Variants in MDM1 observed in about 807,000 individuals in gnomAD.
MDM1 encodes the protein stabilizer of axonemal microtubules 6, also known as Mdm1 nuclear protein.
In MDM1, 61 loss-of-function variants were observed where a neutral mutation model predicts 89.1. The observed-to-expected ratio is 0.68, with a 90% CI of 0.56 to 0.85. The LOEUF is 0.85. Among genes scored for constraint, MDM1 ranks in the 40% least tolerant of loss-of-function variants. The pLI is 0.00. For synonymous variants in MDM1, 290 were observed against 294.1 expected (o/e 0.99, Z 0.14); for missense variants, 820 against 846.5 (o/e 0.97, Z 0.39).
At chr12:68,328,108 C>T (rs995655832) in intron 2 of MDM1, among the ~76,000 whole-genome samples, 5 of 152,258 alleles carry the variant, frequency 3.3e-5, no homozygotes, top group African/African-American at 1.2e-4. Context: ...AGTGCGTCCG[C>T]CCAAGGTAGA....
rs144852918 is a variant in MDM1, at chr12:68,315,024, C to T, written c.1453G>A (p.Gly485Ser). The change falls in exon 10 of 15, where the codon GGC becomes AGC. Residue 485 changes from glycine (G) to serine (S), a missense_variant. Coordinates refer to ENST00000682720, the MANE Select transcript of MDM1 (RefSeq NM_001354969.2). ...TGCTCTCCCATAAAAGCCTGCTTGC[C>T]CGTTTTCCTGTCCCCTTCCTCTTCA... ...DNEEEGDRKT[G>S]KQAFMGEQEK... The T allele has an allele frequency of 1.3e-4, 204 of 1,614,020 alleles. 1 individual carries two copies. The Middle Eastern group carries it at 1.5e-3, about 12-fold the overall frequency.
chr12:68,296,850 TAA>T (rs1871460803), intron 14 of MDM1, 71 bp downstream of exon 14: 3 of 999,360 alleles, frequency 3.0e-6, no homozygotes, highest in Non-Finnish European at 4.3e-6. Context: ...TATAAAGTGC[TAA>T]TCAAATGTAA....
chr12:68,326,643 G>A lies in MDM1; in HGVS notation c.498+14C>T. The stretch of plus-strand genomic sequence containing the variant: ...TTCTATGCTTTTGAAAAGAAATGCA[G>A]TGAATATGCCTACCCCATTATCTAC... On this transcript the variant is annotated intron_variant, in intron 3 of 14. Coordinates refer to ENST00000682720, the MANE Select transcript of MDM1 (RefSeq NM_001354969.2). 6.2e-7 allele frequency: 1 copy of A among 1,614,072 alleles called. No homozygotes were observed. The highest frequency in any genetic ancestry group is 8.5e-7 in the Non-Finnish European group (1 of 1,179,974).
At chr12:68,299,812 T>C (rs1263472189) in intron 13 of MDM1, among the ~76,000 whole-genome samples, 1 of 152,154 alleles carries the variant, frequency 6.6e-6, no homozygotes, top group Non-Finnish European at 1.5e-5. Flanking sequence ...GATTTAAATA[T>C]CCAAATACAA....
At chr12:68,322,086 ATTTTAC>A (rs968505067) in intron 5 of MDM1, among the ~76,000 whole-genome samples, 2 of 152,116 alleles carry the variant, frequency 1.3e-5, no homozygotes, top group African/African-American at 4.8e-5. Context: ...TGTATACATC[ATTTTAC>A]TTTTAGTCAT....
In MDM1 at chr12:68,326,783, T is replaced by C; in HGVS notation, c.372A>G (p.Ala124=). The change falls in exon 3 of 15, where the codon GCA becomes GCG. Residue 124 remains alanine, a synonymous_variant. Transcript: ENST00000682720. Reference sequence around the variant, plus strand: ...CTGAAGCCCCTTCAGCTCTGGAGTCTGCAGAGTGAGATCTGGTTCTTTTGG... The same window carrying C: ...CTGAAGCCCCTTCAGCTCTGGAGTCCGCAGAGTGAGATCTGGTTCTTTTGG... ...RVPKRTRSHS[A]DSRAEGASDV... The C allele has an allele frequency of 1.2e-6, 2 of 1,614,132 alleles. No individual in the cohort carries two copies. The highest frequency in any genetic ancestry group is 1.7e-6 in the Non-Finnish European group (2 of 1,179,980).
At position 68,332,106 on chromosome 12, in the gene MDM1, G is replaced by A. The variant is rs1006400568; in HGVS notation, c.18+122C>T. ...CTGGGGCCCCTCGAGCAGGCCCTGG[G>A]GCTGGCAGCTTCCGCCGGGCAGAGG... On this transcript the variant is annotated intron_variant, in intron 1 of 14. Transcript: ENST00000682720. The A allele has an allele frequency of 5.7e-6, 8 of 1,392,134 alleles. No homozygotes were observed. The East Asian group carries it at 1.7e-4, about 30-fold the overall frequency. 86.2% of individuals were successfully genotyped at this position (1,392,134 alleles called of 1,614,324 possible). A position where few individuals can be genotyped will look rare whatever the true frequency, so the allele number is the denominator to read the frequency against.
intron 12 of MDM1, among the ~76,000 whole-genome samples, chr12:68,312,469 A>C (rs775134629): frequency 6.6e-6 from 1 of 152,144 alleles, no homozygotes; most frequent in Non-Finnish European, 1.5e-5. Context: ...TCCAGAATTG[A>C]ACTTTATATG....
Position 68,321,609 on chromosome 12 carries a change from C to T in MDM1, c.821G>A (p.Arg274His), listed in dbSNP as rs115523943. ...TTCCATCTCTGCTTCCAATTTTAAACGATCGTCTATTTTATTACTCTGAAA... is the reference window on the plus strand; with the variant it reads ...TTCCATCTCTGCTTCCAATTTTAAATGATCGTCTATTTTATTACTCTGAAA... ...PERKSNKIDD[R>H]LKLEAEMELK... The change falls in exon 6 of 15, where the codon CGT becomes CAT. Residue 274 changes from arginine (R) to histidine (H), a missense_variant. Arg to His is a conservative substitution (Grantham distance 29, BLOSUM62 0). Transcript: ENST00000682720. 349 of 1,610,588 alleles carry T rather than the reference C, an allele frequency of 2.2e-4. 1 individual carries two copies. In the African/African-American group the frequency reaches 3.7e-3, roughly 17 times the overall value.
At chr12:68,309,059 C>T (rs1045468970) in intron 12 of MDM1, among the ~76,000 whole-genome samples, 4 of 152,204 alleles carry the variant, frequency 2.6e-5, no homozygotes, top group African/African-American at 7.2e-5. Context: ...CTATGGCAGC[C>T]GGACAGATCT....
At chr12:68,300,910 C>G (rs940855514) in intron 13 of MDM1, among the ~76,000 whole-genome samples, 1 of 152,160 alleles carries the variant, frequency 6.6e-6, no homozygotes, top group African/African-American at 2.4e-5. Flanking sequence ...GACCACATGA[C>G]AAGCCACAGA....
intron 2 of MDM1, among the ~76,000 whole-genome samples, chr12:68,328,932 TC>T (rs771457332): frequency 3.5e-4 from 54 of 152,284 alleles, no homozygotes; most frequent in Non-Finnish European, 4.7e-4. Flanking sequence ...CCTAGTCCAT[TC>T]CTTCCTTCAT....
At chr12:68,315,343 T>C in intron 9 of MDM1, 78 bp from the exon 10 acceptor site, 1 of 1,336,992 alleles carries the variant, frequency 7.5e-7, no homozygotes, top group African/African-American at 1.5e-5. Flanking sequence ...AGTGAGTCCA[T>C]CATTTCCTTC....
rs1039887659 is a variant in MDM1, at chr12:68,295,212, A to C, written c.*42T>G. The C allele has an allele frequency of 7.4e-7, 1 of 1,352,504 alleles. No individual in the cohort carries two copies. Among genetic ancestry groups the C allele is most frequent in the African/African-American group, 1.5e-5 (1 of 68,256 alleles). 83.8% of individuals were successfully genotyped at this position (1,352,504 alleles called of 1,614,324 possible). ...TTAACACAGTAAGCAATAAAGAAAAATTATGCCAATGTTTCCTTAGATAAA... is the reference window on the plus strand; with the variant it reads ...TTAACACAGTAAGCAATAAAGAAAACTTATGCCAATGTTTCCTTAGATAAA... On this transcript the variant is annotated 3_prime_UTR_variant, in exon 15 of 15. Transcript: ENST00000682720.
At chr12:68,332,036 T>C (rs1256771999) in intron 1 of MDM1, 192 bp downstream of exon 1, 1 of 745,248 alleles carries the variant, frequency 1.3e-6, no homozygotes, top group African/African-American at 1.7e-5. Context: ...CTTGCAAATG[T>C]GAGTGAGCGG....
chr12:68,327,055 T>TA (rs747370842), intron 2 of MDM1, 34 bp from the exon 3 acceptor site: 2 of 1,533,116 alleles, frequency 1.3e-6, no homozygotes, highest in Non-Finnish European at 1.7e-6. Flanking sequence ...TAGTAGCTAC[T>TA]AAAGCAAAAA....
intron 1 of MDM1, 32 bp from the exon 2 acceptor site, chr12:68,331,253 C>T (rs1477164170): frequency 8.9e-7 from 1 of 1,127,136 alleles, no homozygotes; most frequent in Non-Finnish European, 1.4e-6. Flanking sequence ...TGAGTACAGT[C>T]CAATTAATGA....
chr12:68,326,623 T>A (rs755062710), intron 3 of MDM1, 34 bp downstream of exon 3: 3 of 1,614,130 alleles, frequency 1.9e-6, no homozygotes, highest in Non-Finnish European at 1.7e-6. Context: ...AAGAATTCTA[T>A]GCTTTTGAAA....
chr12:68,316,578 A>T lies in MDM1; in HGVS notation c.1035+3T>A. 1 of 1,534,702 alleles carries T rather than the reference A, an allele frequency of 6.5e-7. No homozygotes were observed. Among genetic ancestry groups the T allele is most frequent in the South Asian group, 1.2e-5 (1 of 83,888 alleles). On this transcript the variant is annotated splice_donor_region_variant and intron_variant, in intron 8 of 14. Coordinates refer to ENST00000682720, the MANE Select transcript of MDM1 (RefSeq NM_001354969.2). ...AGTTTTTAAAAACTCAAAAGCAACC[A>T]ACCTCAGCATACCACATGGCATTTA... is the stretch of plus-strand genomic sequence containing the variant.
Sources: gnomAD v4.1 joint callset for allele counts (sites outside exome capture counted in the v4.1 genomes callset) on GRCh38, gnomAD v4.1.1 for gene constraint, MANE v1.5 for transcripts, NCBI Gene and HGNC (gene_info 2026-07-23, HGNC 2026-07-21) for gene names.